Variants in RET observed in about 807,000 individuals in gnomAD.
RET encodes the protein ret proto-oncogene.
A neutral mutation model predicts 118.3 loss-of-function variants in RET; 19 were observed. The observed-to-expected ratio is 0.16, with a 90% CI of 0.11 to 0.24. The LOEUF is 0.24. Among genes scored for constraint, RET ranks in the 10% least tolerant of loss-of-function variants. The pLI is 1.00. For missense variants in RET, 1,219 were observed against 1,502.1 expected, an observed-to-expected ratio of 0.81 and a Z score of 3.12; for synonymous variants, 597 against 644.1, an observed-to-expected ratio of 0.93 and a Z score of 1.11.
At position 43,089,375 on chromosome 10, in the gene RET, C is replaced by T. The variant is rs894302428; in HGVS notation, c.74-11084C>T. ...GCTGCCTGTTTTCTTGGCCAGCAGG[C>T]ATCCTCCCCATGAGCCCAGGGCTAT... On this transcript the variant is annotated intron_variant, in intron 1 of 19. Coordinates refer to ENST00000355710, the MANE Select transcript of RET (RefSeq NM_020975.6). 2.0e-5 allele frequency among the ~76,000 whole-genome samples: 3 copies of T among 152,362 alleles called. No individual in the cohort carries two copies. In the South Asian group the frequency reaches 6.2e-4, roughly 32 times the overall value.
At chr10:43,104,763 GCA>G (rs1020853693) in intron 3 of RET, 187 bp from the exon 4 acceptor site, 148 of 811,128 alleles carry the variant, frequency 1.8e-4, no homozygotes, top group Admixed American at 2.6e-4. Flanking sequence ...AAACTCGTAA[GCA>G]CAGTCATCGC....
intron 17 of RET, 40 bp downstream of exon 17, chr10:43,123,848 G>C (rs1838272798): frequency 1.2e-6 from 2 of 1,613,278 alleles, no homozygotes; most frequent in Non-Finnish European, 1.7e-6. Flanking sequence ...CACTTGGGAA[G>C]GGAGGGGACA....
In RET at chr10:43,113,096, G is replaced by C. The variant is rs1837978982; in HGVS notation, c.1759+133G>C. 5 of 777,040 alleles carry C rather than the reference G, an allele frequency of 6.4e-6. No homozygotes were observed. The South Asian group carries it at 7.3e-5, about 11-fold the overall frequency. 48.1% of individuals were successfully genotyped at this position (777,040 alleles called of 1,614,324 possible). A position where few individuals can be genotyped will look rare whatever the true frequency, so the allele number is the denominator to read the frequency against. ...CAAGCTGAGCCTCCTGTGCATTTCA[G>C]CATCACCCTAGCCATGGGGAGGGAG... On this transcript the variant is annotated intron_variant, in intron 9 of 19. Transcript: ENST00000355710.
intron 16 of RET, among the ~76,000 whole-genome samples, 163 bp downstream of exon 16, chr10:43,122,179 C>T (rs1420215503): frequency 2.6e-5 from 4 of 152,172 alleles, no homozygotes; most frequent in Admixed American, 1.3e-4. Flanking sequence ...CACTGAGGGG[C>T]CTTCATGATG....
intron 4 of RET, among the ~76,000 whole-genome samples, chr10:43,105,703 G>GT (rs925009941): frequency 6.6e-6 from 1 of 152,098 alleles, no homozygotes; most frequent in Non-Finnish European, 1.5e-5. Flanking sequence ...AGCAGGGGCC[G>GT]TGGGAGAGTG....
chr10:43,113,705 A>T (rs1423135170), intron 10 of RET, 30 bp downstream of exon 10: 1 of 1,611,024 alleles, frequency 6.2e-7, no homozygotes, highest in Non-Finnish European at 8.5e-7. Context: ...GACCACCACC[A>T]CCTCCCAGCC....
In RET at chr10:43,077,278, G is replaced by T. The variant is rs1366681125; in HGVS notation, c.20G>T (p.Gly7Val). Residue 7 changes from glycine (G) to valine (V), a missense_variant, in exon 1 of 20, where the codon GGT (glycine) becomes GTT (valine). By Grantham distance (109) the Gly-to-Val change is moderately radical. Transcript: ENST00000355710. MAKATS[G>V]AAGLRLLLLL... ...CGGGCGATGGCGAAGGCGACGTCCG[G>T]TGCCGCGGGGCTGCGTCTGCTGTTG... 2 of 1,507,194 alleles carry T rather than the reference G, an allele frequency of 1.3e-6. No individual in the cohort carries two copies. Among genetic ancestry groups the T allele is most frequent in the African/African-American group, 1.4e-5 (1 of 69,762 alleles). The allele number at this position is 1,507,194 out of a possible 1,614,324, so 93.4% of individuals were successfully genotyped here. A position where few individuals can be genotyped will look rare whatever the true frequency, so the allele number is the denominator to read the frequency against.
chr10:43,082,166 GGGC>G (rs1187772288), intron 1 of RET, among the ~76,000 whole-genome samples: 1 of 152,206 alleles, frequency 6.6e-6, no homozygotes, highest in Non-Finnish European at 1.5e-5. Flanking sequence ...AGGCAGGGCA[GGGC>G]TGGGCAAGAG....
Position 43,114,371 on chromosome 10 carries a change from T to C in RET, c.1880-109T>C. The C allele has an allele frequency of 2.7e-6, 4 of 1,474,394 alleles. No individual in the cohort carries two copies. The highest frequency in any genetic ancestry group is 3.7e-6 in the Non-Finnish European group (4 of 1,082,296). 91.3% of individuals were successfully genotyped at this position (1,474,394 alleles called of 1,614,324 possible). A position where few individuals can be genotyped will look rare whatever the true frequency, so the allele number is the denominator to read the frequency against. ...CACACCTCCATGGCCACTTCCCAGCTGGCGCGGACACGGCAGGCTGGAGAG... is the reference window on the plus strand; with the variant it reads ...CACACCTCCATGGCCACTTCCCAGCCGGCGCGGACACGGCAGGCTGGAGAG... On this transcript the variant is annotated intron_variant, in intron 10 of 19. Coordinates refer to ENST00000355710, the MANE Select transcript of RET (RefSeq NM_020975.6). This position sits in a 1 kb window ranked among gnomAD's most constrained non-coding sequence, Gnocchi z 4.6.
At chr10:43,079,138 A>G (rs1191065417) in intron 1 of RET, among the ~76,000 whole-genome samples, 1 of 152,180 alleles carries the variant, frequency 6.6e-6, no homozygotes, top group Non-Finnish European at 1.5e-5. Context: ...GATGACAGGC[A>G]CAGACTGGGT....
In RET at chr10:43,116,773, C is replaced by T. The variant is rs200972244; in HGVS notation, c.2284+42C>T. 189 of 1,528,604 alleles carry T rather than the reference C, an allele frequency of 1.2e-4. No individual in the cohort carries two copies. The African/African-American group carries it at 1.3e-3, about 11-fold the overall frequency. 94.7% of individuals were successfully genotyped at this position (1,528,604 alleles called of 1,614,324 possible). A position where few individuals can be genotyped will look rare whatever the true frequency, so the allele number is the denominator to read the frequency against. The stretch of plus-strand genomic sequence containing the variant: ...GGCACAGTGCCCCTGGGGGAGTCTC[C>T]GGGGCGGGGGGCGGGTGAGGCCCCT... On this transcript the variant is annotated intron_variant, in intron 12 of 19. Coordinates refer to ENST00000355710, the MANE Select transcript of RET (RefSeq NM_020975.6).
At chr10:43,099,066 T>G (rs929389539) in intron 1 of RET, among the ~76,000 whole-genome samples, 4 of 152,214 alleles carry the variant, frequency 2.6e-5, no homozygotes, top group Admixed American at 2.6e-4. Flanking sequence ...GTGGGAAATG[T>G]TGGCCACACA....
intron 9 of RET, 100 bp downstream of exon 9, chr10:43,113,063 C>G: frequency 1.1e-6 from 1 of 941,448 alleles, no homozygotes; most frequent in Admixed American, 1.9e-5. Context: ...GCTGTCAGTT[C>G]TATGCATCAA....
intron 1 of RET, among the ~76,000 whole-genome samples, chr10:43,085,927 C>T (rs1837279285): frequency 6.6e-6 from 1 of 152,216 alleles, no homozygotes; most frequent in African/African-American, 2.4e-5. Flanking sequence ...CTGTGCTGGG[C>T]TGAAACCTAC....
At chr10:43,124,301 CAG>C (rs1220655443) in intron 17 of RET, among the ~76,000 whole-genome samples, 1 of 152,150 alleles carries the variant, frequency 6.6e-6, no homozygotes, top group East Asian at 1.9e-4. Flanking sequence ...ATGCATTCCA[CAG>C]AGTGTGCACA....
chr10:43,097,536 T>A (rs570390402), intron 1 of RET, among the ~76,000 whole-genome samples: 3 of 152,058 alleles, frequency 2.0e-5, no homozygotes, highest in Admixed American at 6.5e-5. Flanking sequence ...CCACATGGGA[T>A]TGGGAGGGGG....
At chr10:43,120,648 G>A (rs1688397460) in intron 15 of RET, among the ~76,000 whole-genome samples, 1 of 152,228 alleles carries the variant, frequency 6.6e-6, no homozygotes, top group South Asian at 2.1e-4. Context: ...AGGGGCCTTG[G>A]ACACTGGGCT....
At chr10:43,097,951 C>T (rs1837556680) in intron 1 of RET, among the ~76,000 whole-genome samples, 1 of 152,158 alleles carries the variant, frequency 6.6e-6, no homozygotes, top group Admixed American at 6.5e-5. Flanking sequence ...GTGCAGTATT[C>T]CTAATGTGTC....
chr10:43,105,729 G>A (rs1846667625), intron 4 of RET, among the ~76,000 whole-genome samples: 1 of 152,124 alleles, frequency 6.6e-6, no homozygotes, highest in African/African-American at 2.4e-5. Context: ...GGGGACTGAG[G>A]TAGGTAGTAC....
Sources: allele counts gnomAD v4.1 joint callset (sites outside exome capture counted in the v4.1 genomes callset), GRCh38; gene constraint gnomAD v4.1.1; non-coding constraint Gnocchi (gnomAD v3.1); transcripts MANE v1.5; gene names NCBI Gene and HGNC (gene_info 2026-07-23, HGNC 2026-07-21).